Variants in VAC14 observed in about 807,000 individuals in gnomAD.
The protein encoded by VAC14 is protein VAC14 homolog.
A neutral mutation model predicts 85.3 loss-of-function variants in VAC14; 47 were observed. The ratio of observed to expected loss-of-function variants is 0.55; its 90% CI spans 0.44 to 0.70. The LOEUF (loss-of-function observed/expected upper bound fraction) is 0.70. Among genes scored for constraint, VAC14 ranks in the 30% least tolerant of loss-of-function variants. The probability of loss-of-function intolerance (pLI) is 0.00; values close to 1 mark genes in which losing one functional copy is unlikely to be tolerated. For missense variants in VAC14, 861 were observed against 1,004.3 expected, an observed-to-expected ratio of 0.86 and a Z score of 1.93; for synonymous variants, 447 against 430.5, an observed-to-expected ratio of 1.04 and a Z score of -0.47.
At position 70,731,573 on chromosome 16, in the gene VAC14, T is replaced by C. The variant is rs922559619; in HGVS notation, c.1583A>G (p.Tyr528Cys). ...PSTPTMNSYF[Y>C]KFMINLLKRF... ...CTTGAGAAGGTTGATCATGAACTTA[T>C]AAAAGTAAGAATTCATGGTGGGAGT... The change falls in exon 14 of 19, where the codon TAT (tyrosine) becomes TGT (cysteine). Residue 528 changes from tyrosine to cysteine, a missense_variant. Physicochemically the swap from Tyr to Cys is radical, Grantham distance 194. Coordinates refer to ENST00000261776, the MANE Select transcript of VAC14 (RefSeq NM_018052.5). The C allele has an allele frequency of 6.2e-7, 1 of 1,614,162 alleles. No homozygotes were observed. Among genetic ancestry groups the C allele is most frequent in the Non-Finnish European group, 8.5e-7 (1 of 1,180,024 alleles).
chr16:70,792,285 C>T (rs2034374528), intron 1 of VAC14, among the ~76,000 whole-genome samples: 3 of 152,198 alleles, frequency 2.0e-5, no homozygotes, highest in Admixed American at 2.0e-4. Context: ...ACCACACTAT[C>T]CCTCCTTTCA....
intron 1 of VAC14, among the ~76,000 whole-genome samples, chr16:70,799,953 A>T (rs1567618993): frequency 6.6e-6 from 1 of 152,214 alleles, no homozygotes; most frequent in Non-Finnish European, 1.5e-5. Flanking sequence ...ACGCACGGCC[A>T]ACGGCTACTC....
At chr16:70,774,313 C>T (rs2033400975) in intron 9 of VAC14, among the ~76,000 whole-genome samples, 1 of 152,146 alleles carries the variant, frequency 6.6e-6, no homozygotes, top group African/African-American at 2.4e-5. Flanking sequence ...AATGTCTCCC[C>T]GTTTGGGTTG....
chr16:70,733,892 C>A (rs902163616), intron 13 of VAC14, among the ~76,000 whole-genome samples: 1 of 152,162 alleles, frequency 6.6e-6, no homozygotes, highest in African/African-American at 2.4e-5. Context: ...ATGGCACGGT[C>A]TTGGCTCACT....
At chr16:70,714,846 T>C (rs2054125197) in intron 14 of VAC14, 1 of 152,234 alleles carries the variant, frequency 6.6e-6, no homozygotes, top group South Asian at 2.1e-4. Flanking sequence ...ACGAGACTAA[T>C]GGCAGAGGAG....
At chr16:70,737,156 C>T (rs937257444) in intron 13 of VAC14, among the ~76,000 whole-genome samples, 1 of 152,238 alleles carries the variant, frequency 6.6e-6, no homozygotes, top group African/African-American at 2.4e-5. Flanking sequence ...TGATTTCCGC[C>T]TCACTGCTGC....
intron 12 of VAC14, among the ~76,000 whole-genome samples, chr16:70,751,418 G>A (rs2031377189): frequency 6.6e-6 from 1 of 152,244 alleles, no homozygotes; most frequent in South Asian, 2.1e-4. Context: ...GCCTGGAGCG[G>A]TCAGGTCGCA....
intron 13 of VAC14, 48 bp downstream of exon 13, chr16:70,744,375 C>A (rs777135137): frequency 2.5e-6 from 4 of 1,611,458 alleles, no homozygotes; most frequent in South Asian, 1.1e-5. Context: ...TAAGACCCGG[C>A]ACTGGCACTA....
At chr16:70,701,191 G>C (rs1378668378) in intron 14 of VAC14, among the ~76,000 whole-genome samples, 1 of 152,166 alleles carries the variant, frequency 6.6e-6, no homozygotes, top group Non-Finnish European at 1.5e-5. Flanking sequence ...TCTCTCTCTA[G>C]TCTGTGCCTC....
intron 13 of VAC14, among the ~76,000 whole-genome samples, chr16:70,739,527 AG>A (rs1364004667): frequency 4.6e-5 from 7 of 152,154 alleles, no homozygotes; most frequent in Non-Finnish European, 2.9e-5. Flanking sequence ...GGAAGCTTCC[AG>A]TGCTGGCGCA....
At chr16:70,688,510 G>C in intron 18 of VAC14, 2 of 987,806 alleles carry the variant, frequency 2.0e-6, no homozygotes, top group Non-Finnish European at 1.2e-6. Flanking sequence ...GAGAGGCAGG[G>C]CTAGGACTGG....
In VAC14 at chr16:70,718,947, G is replaced by C. The variant is rs2054225911; in HGVS notation, c.1661+12548C>G. Among the ~76,000 whole-genome samples the C allele has an allele frequency of 2.0e-5, 3 of 152,318 alleles. 1 individual carries two copies. The South Asian group carries it at 6.2e-4, about 32-fold the overall frequency. On this transcript the variant is annotated intron_variant, in intron 14 of 18. Coordinates refer to ENST00000261776, the MANE Select transcript of VAC14 (RefSeq NM_018052.5). Reference sequence around the variant, plus strand: ...CCCTGGTCTTGGTCTGGATACAGAGGCCAGTGAAGTTCCTTTGCTCATTTT... The same window carrying C: ...CCCTGGTCTTGGTCTGGATACAGAGCCCAGTGAAGTTCCTTTGCTCATTTT...
At chr16:70,715,758 G>C (rs148851237) in intron 14 of VAC14, 2 of 152,330 alleles carry the variant, frequency 1.3e-5, no homozygotes, top group Non-Finnish European at 1.5e-5. Context: ...AATGGAAGAC[G>C]CGTATGCGGT....
At position 70,698,741 on chromosome 16, in the gene VAC14, C is replaced by T. The variant is rs913742403; in HGVS notation, c.1732G>A (p.Asp578Asn). ...SMADILLREE[D>N]LKFASTMVHA... ...ACCATGGTCGAGGCGAACTTGAGGT[C>T]CTCCTCCCGCAGCAGGATGTCTGCC... The change falls in exon 15 of 19, where the codon GAC (aspartate) becomes AAC (asparagine). Residue 578 changes from aspartate to asparagine, a missense_variant. Physicochemically the swap from Asp to Asn is conservative, Grantham distance 23. Around this residue, in one of 3 missense-constraint regions of VAC14, gnomAD observed 69 missense variants for 139.0 expected, o/e 0.50. Transcript: ENST00000261776. 1.2e-6 allele frequency: 2 copies of T among 1,614,074 alleles called. No homozygotes were observed. Among genetic ancestry groups the T allele is most frequent in the African/African-American group, 1.3e-5 (1 of 74,930 alleles).
At chr16:70,741,744 G>T (rs2030333215) in intron 13 of VAC14, among the ~76,000 whole-genome samples, 1 of 152,232 alleles carries the variant, frequency 6.6e-6, no homozygotes, top group Non-Finnish European at 1.5e-5. Flanking sequence ...TTCCGAGGGA[G>T]TCCCTGGCTG....
At chr16:70,785,673 T>C (rs2034015224) in intron 3 of VAC14, 29 bp downstream of exon 3, 3 of 1,536,572 alleles carry the variant, frequency 2.0e-6, no homozygotes, top group African/African-American at 2.7e-5. Context: ...CAAGCGCAGC[T>C]CAGTGAGGAG....
chr16:70,737,131 G>A (rs781645783), intron 13 of VAC14, among the ~76,000 whole-genome samples: 4 of 152,178 alleles, frequency 2.6e-5, no homozygotes, highest in Non-Finnish European at 4.4e-5. Flanking sequence ...GGAGAAATGG[G>A]CCCCTCAAGT....
In VAC14 at chr16:70,762,644, C is replaced by T. The variant is rs770956379; in HGVS notation, c.1306-39G>A. On this transcript the variant is annotated intron_variant, in intron 11 of 18. Coordinates refer to ENST00000261776, the MANE Select transcript of VAC14 (RefSeq NM_018052.5). This position sits in a 1 kb window ranked among gnomAD's most constrained non-coding sequence, Gnocchi z 4.1. ...AAGCAGGGGTGCCCGTGAGTGCTCC[C>T]TTCGCCCCGGGACTACGTGCAGTGC... 6.2e-7 allele frequency: 1 copy of T among 1,607,890 alleles called. No homozygotes were observed. The highest frequency in any genetic ancestry group is 2.2e-5 in the East Asian group (1 of 44,698).
chr16:70,782,487 C>G (rs1219148092), intron 7 of VAC14, among the ~76,000 whole-genome samples: 1 of 152,230 alleles, frequency 6.6e-6, no homozygotes, highest in Non-Finnish European at 1.5e-5. Context: ...CCCCCATGGT[C>G]CCGGCATGAC....
Sources: allele counts gnomAD v4.1 joint callset (sites outside exome capture counted in the v4.1 genomes callset), GRCh38; gene constraint gnomAD v4.1.1; regional missense constraint gnomAD v4.1.1; non-coding constraint Gnocchi (gnomAD v3.1); transcripts MANE v1.5; gene names NCBI Gene and HGNC (gene_info 2026-07-23, HGNC 2026-07-21).